Variants in TYW1B observed in about 807,000 individuals in gnomAD.
TYW1B encodes S-adenosyl-L-methionine-dependent tRNA 4-demethylwyosine synthase TYW1B.
TYW1B carries 73 observed loss-of-function variants against 86.9 expected under a neutral mutation model. The observed-to-expected ratio is 0.84, with a 90% CI of 0.70 to 1.02. The LOEUF is 1.02. Among genes scored for constraint, TYW1B ranks in the 50% least tolerant of loss-of-function variants. The pLI is 0.00. For missense variants in TYW1B, 637 were observed against 827.4 expected, an observed-to-expected ratio of 0.77 and a Z score of 2.82; for synonymous variants, 248 against 292.8, an observed-to-expected ratio of 0.85 and a Z score of 1.56.
chr7:72,740,233 A>C (rs1787278480), intron 8 of TYW1B, among the ~76,000 whole-genome samples: 1 of 151,424 alleles, frequency 6.6e-6, no homozygotes. Flanking sequence ...ACTCTGTCTC[A>C]AAAAAAAGAA....
intron 8 of TYW1B, among the ~76,000 whole-genome samples, chr7:72,731,714 C>T (rs767367109): frequency 1.1e-4 from 16 of 152,046 alleles, no homozygotes; most frequent in Non-Finnish European, 1.9e-4. Context: ...GAGGCTGAGG[C>T]AGGGGGATCA....
At chr7:72,605,613 A>T (rs1244827133) in intron 13 of TYW1B, among the ~76,000 whole-genome samples, 2 of 152,012 alleles carry the variant, frequency 1.3e-5, no homozygotes, top group Non-Finnish European at 1.5e-5. Flanking sequence ...CGGCCTCCCA[A>T]AGTGCTGGGA....
intron 13 of TYW1B, among the ~76,000 whole-genome samples, chr7:72,613,289 G>A (rs1554436276): frequency 6.6e-6 from 1 of 151,860 alleles, no homozygotes; most frequent in East Asian, 1.9e-4. Context: ...ATTTTTAAAA[G>A]GTTGTAAAAT....
intron 13 of TYW1B, among the ~76,000 whole-genome samples, chr7:72,582,758 C>T (rs1360758448): frequency 6.6e-6 from 1 of 151,794 alleles, no homozygotes; most frequent in Admixed American, 6.6e-5. Context: ...GCAAATCCAA[C>T]GCATCTGAAA....
chr7:72,736,502 G>A (rs1353212787), intron 8 of TYW1B, among the ~76,000 whole-genome samples: 1 of 152,060 alleles, frequency 6.6e-6, no homozygotes, highest in East Asian at 1.9e-4. Flanking sequence ...AATTAGATGG[G>A]GAGGAAAATC....
intron 10 of TYW1B, among the ~76,000 whole-genome samples, chr7:72,703,256 C>T (rs1814534054): frequency 6.6e-6 from 1 of 151,154 alleles, no homozygotes; most frequent in African/African-American, 2.4e-5. Flanking sequence ...GATCTCCTGA[C>T]CTCATGATCT....
intron 11 of TYW1B, among the ~76,000 whole-genome samples, chr7:72,655,995 T>C (rs1425705901): frequency 2.0e-5 from 3 of 152,190 alleles, no homozygotes; most frequent in Admixed American, 6.5e-5. Context: ...CACTATTGCA[T>C]GAGCATGCCA....
At chr7:72,784,494 C>T (rs1475491689) in intron 6 of TYW1B, among the ~76,000 whole-genome samples, 2 of 152,122 alleles carry the variant, frequency 1.3e-5, no homozygotes, top group African/African-American at 4.8e-5. Flanking sequence ...TTGATTTCTC[C>T]TTTTTTCCTT....
intron 13 of TYW1B, among the ~76,000 whole-genome samples, chr7:72,578,870 G>A (rs1486465536): frequency 6.6e-6 from 1 of 152,138 alleles, no homozygotes; most frequent in Non-Finnish European, 1.5e-5. Context: ...GAAAGACAGA[G>A]ATGACCATTC....
intron 11 of TYW1B, among the ~76,000 whole-genome samples, chr7:72,662,422 T>TAG (rs1813352098): frequency 0.11 from 7,482 of 70,006 alleles, 242 homozygotes; most frequent in Middle Eastern, 0.14. Flanking sequence ...TTTTAATATA[T>TAG]ATATATAGAT....
At chr7:72,636,720 A>AT (rs1432522068) in intron 11 of TYW1B, among the ~76,000 whole-genome samples, 2 of 152,144 alleles carry the variant, frequency 1.3e-5, no homozygotes, top group African/African-American at 4.8e-5. Context: ...AAATAGGTTG[A>AT]TTTTTACACG....
intron 13 of TYW1B, among the ~76,000 whole-genome samples, chr7:72,609,417 G>A (rs1182759326): frequency 6.6e-6 from 1 of 151,916 alleles, no homozygotes; most frequent in East Asian, 1.9e-4. Context: ...AAATTAGCTG[G>A]GCATGGTGGC....
intron 13 of TYW1B, among the ~76,000 whole-genome samples, chr7:72,601,721 C>T (rs528229949): frequency 7.2e-4 from 74 of 103,426 alleles, no homozygotes; most frequent in African/African-American, 2.7e-3. Flanking sequence ...GGAAAATGCA[C>T]GAAAGAATCT....
intron 6 of TYW1B, among the ~76,000 whole-genome samples, chr7:72,780,630 G>A (rs1277601490): frequency 1.3e-5 from 2 of 152,128 alleles, no homozygotes; most frequent in Admixed American, 6.6e-5. Flanking sequence ...TACTGTCTCT[G>A]TCCCTTCACT....
intron 12 of TYW1B, among the ~76,000 whole-genome samples, chr7:72,624,827 G>A (rs1244679565): frequency 6.6e-6 from 1 of 152,156 alleles, no homozygotes; most frequent in Non-Finnish European, 1.5e-5. Context: ...GGAGGCCAAG[G>A]CGGGTGGATC....
intron 11 of TYW1B, among the ~76,000 whole-genome samples, chr7:72,643,409 A>G (rs1442658708): frequency 1.3e-5 from 2 of 152,208 alleles, no homozygotes; most frequent in East Asian, 3.9e-4. Context: ...CAACACTGTG[A>G]AACCTCGTCT....
intron 9 of TYW1B, among the ~76,000 whole-genome samples, chr7:72,723,696 C>T (rs2129570924): frequency 6.6e-6 from 1 of 152,244 alleles, no homozygotes; most frequent in East Asian, 1.9e-4. Context: ...ACTGCTTGAG[C>T]CCAGGAGGTT....
chr7:72,592,063 T>A (rs1429060314), intron 13 of TYW1B, among the ~76,000 whole-genome samples: 2 of 149,814 alleles, frequency 1.3e-5, no homozygotes, highest in African/African-American at 2.5e-5. Context: ...CCTCAGATGA[T>A]CTGCCCACCT....
At chr7:72,709,688 C>CA (rs1249942683) in intron 10 of TYW1B, among the ~76,000 whole-genome samples, 2 of 151,982 alleles carry the variant, frequency 1.3e-5, no homozygotes, top group Admixed American at 1.3e-4. Flanking sequence ...AAAAAAATTC[C>CA]AAAAGCGTAA....
Sources: allele counts gnomAD v4.1 joint callset (sites outside exome capture counted in the v4.1 genomes callset), GRCh38; gene constraint gnomAD v4.1.1; transcripts MANE v1.5; gene names NCBI Gene and HGNC (gene_info 2026-07-23, HGNC 2026-07-21).